Variants in TBC1D31 observed in about 807,000 individuals in gnomAD.
TBC1D31 encodes TBC1 domain family member 31.
Under a neutral mutation model 132.9 loss-of-function variants are expected in TBC1D31, and 99 were observed. That is an observed-to-expected ratio of 0.74 (90% CI 0.63 to 0.88). The LOEUF is 0.88. Among genes scored for constraint, TBC1D31 ranks in the 40% least tolerant of loss-of-function variants. The pLI is 0.00. For missense variants in TBC1D31, 1,134 were observed against 1,256.6 expected, an observed-to-expected ratio of 0.90 and a Z score of 1.48; for synonymous variants, 385 against 419.4, an observed-to-expected ratio of 0.92 and a Z score of 1.00.
At chr8:123,089,848 A>G (rs1044315737) in intron 4 of TBC1D31, among the ~76,000 whole-genome samples, 2 of 152,252 alleles carry the variant, frequency 1.3e-5, no homozygotes, top group Non-Finnish European at 2.9e-5. Flanking sequence ...ATCTGAACTG[A>G]ATTGACATGA....
At chr8:123,136,284 G>A (rs925022138) in intron 17 of TBC1D31, among the ~76,000 whole-genome samples, 3 of 152,052 alleles carry the variant, frequency 2.0e-5, no homozygotes, top group Admixed American at 2.0e-4. Flanking sequence ...TTTAAAATAA[G>A]AAATGTTCGT....
intron 21 of TBC1D31, among the ~76,000 whole-genome samples, chr8:123,150,790 T>C (rs1456144730): frequency 6.6e-6 from 1 of 152,220 alleles, no homozygotes; most frequent in Non-Finnish European, 1.5e-5. Context: ...GTAAAGTATA[T>C]TATTTATTTT....
chr8:123,086,443 C>T (rs542925933), intron 4 of TBC1D31, among the ~76,000 whole-genome samples: 8 of 152,256 alleles, frequency 5.3e-5, no homozygotes, highest in Admixed American at 2.6e-4. Flanking sequence ...GTGCCAGAGC[C>T]GGCAGGGTGT....
In TBC1D31 at chr8:123,149,930, T is replaced by A. The variant is rs925103881; in HGVS notation, c.2975-106T>A. On this transcript the variant is annotated intron_variant, in intron 20 of 21. Transcript: ENST00000287380. ...CTTCTTAAAATAGAAAAGAAAGGAG[T>A]TTTTAGCCATCCTTGGTGATTGTAA... The A allele has an allele frequency of 7.4e-6, 5 of 678,864 alleles. No homozygotes were observed. The African/African-American group carries it at 9.0e-5, about 12-fold the overall frequency. The allele number at this position is 678,864 out of a possible 1,614,324, so 42.1% of individuals were successfully genotyped here. A position where few individuals can be genotyped will look rare whatever the true frequency, so the allele number is the denominator to read the frequency against.
At chr8:123,143,782 G>A (rs896497469) in intron 19 of TBC1D31, among the ~76,000 whole-genome samples, 1 of 152,190 alleles carries the variant, frequency 6.6e-6, no homozygotes, top group Admixed American at 6.5e-5. Context: ...AGGAAAACAG[G>A]GGTGGAAGCT....
chr8:123,115,125 T>C (rs1278638953), intron 10 of TBC1D31, among the ~76,000 whole-genome samples: 1 of 152,236 alleles, frequency 6.6e-6, no homozygotes, highest in Non-Finnish European at 1.5e-5. Context: ...GGTCAAATCA[T>C]TCATTTTTTC....
chr8:123,131,161 C>T (rs1385108093), intron 16 of TBC1D31, among the ~76,000 whole-genome samples: 6 of 151,280 alleles, frequency 4.0e-5, no homozygotes, highest in South Asian at 2.1e-4. Flanking sequence ...GTCAGGAGTT[C>T]GGAACCAGCC....
chr8:123,104,357 AC>A (rs1817724032), intron 7 of TBC1D31, among the ~76,000 whole-genome samples: 1 of 152,170 alleles, frequency 6.6e-6, no homozygotes, highest in Non-Finnish European at 1.5e-5. Context: ...GCTGTGGCTT[AC>A]CTTACAGAGA....
the TBC1D31 span, among the ~76,000 whole-genome samples, chr8:123,159,286 A>G: frequency 2.7e-4 from 40 of 150,212 alleles, 1 homozygote; most frequent in East Asian, 1.4e-3. Flanking sequence ...AAAAAAAAGA[A>G]AAAGAAAAAA....
At chr8:123,074,863 A>G (rs567235473) in intron 1 of TBC1D31, 1 of 152,338 alleles carries the variant, frequency 6.6e-6, no homozygotes, top group South Asian at 2.1e-4. Context: ...TGTCTTACAC[A>G]TTTGGTGCTC....
chr8:123,147,657 T>TA (rs1822350569), intron 20 of TBC1D31, among the ~76,000 whole-genome samples: 1 of 152,202 alleles, frequency 6.6e-6, no homozygotes. Context: ...CCATGTATGT[T>TA]TTTTAACCTT....
At chr8:123,101,151 A>C in intron 7 of TBC1D31, 144 bp downstream of exon 7, 1 of 612,580 alleles carries the variant, frequency 1.6e-6, no homozygotes. Context: ...CTTACTCCCA[A>C]AGCCACATCT....
In TBC1D31 at chr8:123,150,033, C is replaced by G; in HGVS notation, c.2975-3C>G. 1 of 1,611,990 alleles carries G rather than the reference C, an allele frequency of 6.2e-7. No homozygotes were observed. The highest frequency in any genetic ancestry group is 8.5e-7 in the Non-Finnish European group (1 of 1,178,084). On this transcript the variant is annotated splice_region_variant and splice_polypyrimidine_tract_variant and intron_variant, in intron 20 of 21. Transcript: ENST00000287380. ...CATCTTAATCTCCTCACTTTTATAACAGAAGAACCCAGGTTCCAAAATGAA... is the reference window on the plus strand; with the variant it reads ...CATCTTAATCTCCTCACTTTTATAAGAGAAGAACCCAGGTTCCAAAATGAA...
At chr8:123,161,379 G>A in the TBC1D31 span, among the ~76,000 whole-genome samples, 1 of 152,178 alleles carries the variant, frequency 6.6e-6, no homozygotes. Context: ...CTTCCTCCCA[G>A]CTAAGCGCCT....
At chr8:123,160,963 C>G in the TBC1D31 span, among the ~76,000 whole-genome samples, 5 of 152,158 alleles carry the variant, frequency 3.3e-5, no homozygotes, top group African/African-American at 9.7e-5. Flanking sequence ...GGGAGGGGAC[C>G]GCTGGCTGCA....
chr8:123,077,728 G>A (rs1315484356), intron 2 of TBC1D31, among the ~76,000 whole-genome samples: 1 of 152,096 alleles, frequency 6.6e-6, no homozygotes, highest in Non-Finnish European at 1.5e-5. Flanking sequence ...CATTGTTGTT[G>A]TGGGGTGCCA....
At chr8:123,105,525 C>A in intron 8 of TBC1D31, 61 bp downstream of exon 8, 1 of 1,372,834 alleles carries the variant, frequency 7.3e-7, no homozygotes, top group Non-Finnish European at 1.0e-6. Context: ...CTTGTGATTT[C>A]TAAGCCATCA....
At chr8:123,160,793 T>C in the TBC1D31 span, among the ~76,000 whole-genome samples, 3 of 151,948 alleles carry the variant, frequency 2.0e-5, no homozygotes, top group African/African-American at 7.3e-5. Flanking sequence ...GTGGGGGCGG[T>C]GCAGATATTT....
chr8:123,115,966 G>GT (rs957012012), intron 10 of TBC1D31, among the ~76,000 whole-genome samples: 1 of 152,106 alleles, frequency 6.6e-6, no homozygotes, highest in Non-Finnish European at 1.5e-5. Context: ...GAGGGGGACA[G>GT]TTTTCATTAT....
Sources: allele counts gnomAD v4.1 joint callset (sites outside exome capture counted in the v4.1 genomes callset), GRCh38; gene constraint gnomAD v4.1.1; transcripts MANE v1.5; gene names NCBI Gene and HGNC (gene_info 2026-07-23, HGNC 2026-07-21).